LSAMP: variants seen among roughly 807,000 people sequenced by gnomAD.
LSAMP encodes the protein limbic system-associated membrane protein.
Under a neutral mutation model 38.6 loss-of-function variants are expected in LSAMP, and 7 were observed. That is an observed-to-expected ratio of 0.18 (90% CI 0.10 to 0.34). The LOEUF is 0.34. LSAMP is among the 10% of genes least tolerant of loss of function. The pLI is 1.00. For synonymous variants in LSAMP, 154 were observed against 166.8 expected, an observed-to-expected ratio of 0.92 and a Z score of 0.59; for missense variants, 313 against 420.0, an observed-to-expected ratio of 0.75 and a Z score of 2.23.
chr3:115,993,700 T>A (rs1939736627), intron 3 of LSAMP, among the ~76,000 whole-genome samples: 1 of 152,060 alleles, frequency 6.6e-6, no homozygotes, highest in Admixed American at 6.6e-5. Context: ...TAGTGGCTTT[T>A]TAAAAAAAAT....
intron 1 of LSAMP, among the ~76,000 whole-genome samples, chr3:116,117,565 C>T (rs2107481910): frequency 6.6e-6 from 1 of 152,238 alleles, no homozygotes; most frequent in African/African-American, 2.4e-5. Flanking sequence ...CATTCCAGGA[C>T]CCCATCCAGT....
At chr3:115,953,618 G>C (rs1221707456) in intron 3 of LSAMP, among the ~76,000 whole-genome samples, 1 of 152,164 alleles carries the variant, frequency 6.6e-6, no homozygotes, top group Non-Finnish European at 1.5e-5. Context: ...CCATTAACGT[G>C]ATCTGAAGAA....
intron 1 of LSAMP, among the ~76,000 whole-genome samples, chr3:116,172,331 T>C (rs942937197): frequency 6.6e-6 from 1 of 151,106 alleles, no homozygotes; most frequent in African/African-American, 2.5e-5. Flanking sequence ...ACTGGATCAA[T>C]TTCATTATTT....
At chr3:115,944,976 G>A (rs1938047259) in intron 3 of LSAMP, among the ~76,000 whole-genome samples, 1 of 151,942 alleles carries the variant, frequency 6.6e-6, no homozygotes, top group African/African-American at 2.4e-5. Context: ...TTGCTTCAAG[G>A]CTGATATTAA....
At chr3:116,140,191 T>C (rs1054310672) in intron 1 of LSAMP, among the ~76,000 whole-genome samples, 6 of 151,972 alleles carry the variant, frequency 3.9e-5, no homozygotes, top group African/African-American at 1.4e-4. Context: ...AGATGTGGTG[T>C]ATAATTTCTT....
At chr3:116,443,851 A>T (rs1472391681) in intron 1 of LSAMP, among the ~76,000 whole-genome samples, 1 of 152,208 alleles carries the variant, frequency 6.6e-6, no homozygotes, top group Non-Finnish European at 1.5e-5. Flanking sequence ...AAAGCTAGAA[A>T]AAAGAACAAG....
At chr3:116,075,935 C>A (rs1399088899) in intron 2 of LSAMP, among the ~76,000 whole-genome samples, 1 of 152,222 alleles carries the variant, frequency 6.6e-6, no homozygotes, top group African/African-American at 2.4e-5. Flanking sequence ...GCCTTCCACA[C>A]TCCATTGGAG....
chr3:116,358,254 C>G (rs1312012958), intron 1 of LSAMP, among the ~76,000 whole-genome samples: 1 of 152,150 alleles, frequency 6.6e-6, no homozygotes, highest in Non-Finnish European at 1.5e-5. Flanking sequence ...CCAAAAACAC[C>G]AGAGCCCTCT....
In LSAMP at chr3:116,445,278, A is replaced by G; in HGVS notation, c.-247T>C. 3.4e-6 allele frequency: 2 copies of G among 588,742 alleles called. No individual in the cohort carries two copies. The highest frequency in any genetic ancestry group is 3.0e-6 in the Non-Finnish European group (1 of 332,194). 36.5% of individuals were successfully genotyped at this position (588,742 alleles called of 1,614,324 possible). A position where few individuals can be genotyped will look rare whatever the true frequency, so the allele number is the denominator to read the frequency against. On this transcript the variant is annotated 5_prime_UTR_variant, in exon 1 of 7. Transcript: ENST00000490035. ...AGTAAAAGCAACACAATTTCAAAAG[A>G]GAGAGTGCAAATAGCAAGCCCTCTG...
chr3:116,256,740 T>C (rs181425451), intron 1 of LSAMP, among the ~76,000 whole-genome samples: 1 of 152,252 alleles, frequency 6.6e-6, no homozygotes, highest in Admixed American at 6.5e-5. Context: ...ACCTCACTTT[T>C]CTATGAGTGG....
At chr3:116,209,062 G>C (rs994677953) in intron 1 of LSAMP, among the ~76,000 whole-genome samples, 3 of 152,230 alleles carry the variant, frequency 2.0e-5, no homozygotes, top group African/African-American at 7.2e-5. Flanking sequence ...ACTCCTTGGG[G>C]GTAGGACCCT....
intron 3 of LSAMP, among the ~76,000 whole-genome samples, chr3:116,010,959 T>G (rs1251441730): frequency 6.6e-6 from 1 of 152,226 alleles, no homozygotes; most frequent in Non-Finnish European, 1.5e-5. Flanking sequence ...TGAACACCTG[T>G]AATATGCCAA....
intron 1 of LSAMP, among the ~76,000 whole-genome samples, chr3:116,358,399 C>T (rs1438548254): frequency 6.6e-6 from 1 of 151,956 alleles, no homozygotes; most frequent in African/African-American, 2.4e-5. Context: ...AGGGGAGTTG[C>T]TGGATGACAA....
intron 1 of LSAMP, among the ~76,000 whole-genome samples, chr3:116,153,412 C>T (rs1378138825): frequency 6.6e-6 from 1 of 152,134 alleles, no homozygotes; most frequent in East Asian, 1.9e-4. Flanking sequence ...AATTATGCCA[C>T]ATGCTATGGA....
chr3:116,256,228 A>T (rs1191413043), intron 1 of LSAMP, among the ~76,000 whole-genome samples: 1 of 152,224 alleles, frequency 6.6e-6, no homozygotes, highest in Non-Finnish European at 1.5e-5. Flanking sequence ...AGGTTTCCTG[A>T]CACGTTATAA....
intron 1 of LSAMP, among the ~76,000 whole-genome samples, chr3:116,294,157 A>T (rs1210389996): frequency 6.6e-6 from 1 of 152,088 alleles, no homozygotes; most frequent in African/African-American, 2.4e-5. Flanking sequence ...AAAAAGCCAG[A>T]CCCATAGGTA....
At chr3:116,117,351 T>G (rs1043728630) in intron 1 of LSAMP, among the ~76,000 whole-genome samples, 5 of 152,134 alleles carry the variant, frequency 3.3e-5, no homozygotes, top group Admixed American at 6.5e-5. Flanking sequence ...AATAAACTAT[T>G]TTAGAACAGT....
chr3:115,987,279 A>G lies in LSAMP; in HGVS notation c.514+32236T>C, dbSNP rs1349634404. ...CCAGTGAATTGTGAGTGGAAGTGAA[A>G]CATGTTTCTTCTGGTTGAGGAAGTT... On this transcript the variant is annotated intron_variant, in intron 3 of 6. Coordinates refer to ENST00000490035, the MANE Select transcript of LSAMP (RefSeq NM_002338.5). 3.3e-5 allele frequency among the ~76,000 whole-genome samples: 5 copies of G among 152,126 alleles called. No individual in the cohort carries two copies. In the East Asian group the frequency reaches 9.7e-4, roughly 29 times the overall value.
At chr3:116,257,781 G>T (rs2107655120) in intron 1 of LSAMP, among the ~76,000 whole-genome samples, 1 of 152,204 alleles carries the variant, frequency 6.6e-6, no homozygotes, top group African/African-American at 2.4e-5. Flanking sequence ...GATACATGGT[G>T]GGTGCTCCAT....
Sources: allele counts gnomAD v4.1 joint callset (sites outside exome capture counted in the v4.1 genomes callset), GRCh38; gene constraint gnomAD v4.1.1; transcripts MANE v1.5; gene names NCBI Gene and HGNC (gene_info 2026-07-23, HGNC 2026-07-21).